The following TECR variants were observed in gnomAD, a reference collection of about 807,000 sequenced individuals.
TECR encodes trans-2,3-enoyl-CoA reductase.
A neutral mutation model predicts 50.6 loss-of-function variants in TECR; 19 were observed. The observed-to-expected ratio is 0.38, with a 90% CI of 0.26 to 0.55. The LOEUF is 0.55. TECR is among the 20% of genes least tolerant of loss of function. TECR has a pLI of 0.79. For missense variants in TECR, 313 were observed against 408.3 expected, an observed-to-expected ratio of 0.77 and a Z score of 2.01; for synonymous variants, 168 against 163.5, an observed-to-expected ratio of 1.03 and a Z score of -0.21.
chr19:14,533,216 T>G (rs112769819), intron 1 of TECR, among the ~76,000 whole-genome samples: 2,423 of 151,682 alleles, frequency 0.016, 47 homozygotes, highest in African/African-American at 0.052. Context: ...AGGTCAGGAG[T>G]TTGAGACCAG....
chr19:14,537,182 G>C (rs1235999163), intron 1 of TECR, among the ~76,000 whole-genome samples: 1 of 133,852 alleles, frequency 7.5e-6, no homozygotes, highest in African/African-American at 2.8e-5. Flanking sequence ...GGGGGGGAAG[G>C]GGAGGCCGAG....
At chr19:14,549,276 G>C (rs1324540872) in intron 1 of TECR, among the ~76,000 whole-genome samples, 1 of 148,268 alleles carries the variant, frequency 6.7e-6, no homozygotes, top group Non-Finnish European at 1.5e-5. Context: ...GCAGTGGTGC[G>C]ATCTCAGCTC....
chr19:14,532,005 T>TGAA (rs1351007315), intron 1 of TECR: 1 of 133,918 alleles, frequency 7.5e-6, no homozygotes, highest in African/African-American at 2.9e-5. Flanking sequence ...AGACCCTGTT[T>TGAA]GAAGAAAAAA....
At chr19:14,529,042 T>C (rs1210411178), upstream of TECR, 1 of 156,428 alleles carries the variant, frequency 6.4e-6, no homozygotes, top group East Asian at 1.9e-4. Context: ...TCTTGCAGGT[T>C]GGGGGTTCCC....
chr19:14,558,031 A>C (rs1393710944), intron 1 of TECR, among the ~76,000 whole-genome samples: 1 of 152,242 alleles, frequency 6.6e-6, no homozygotes, highest in African/African-American at 2.4e-5. Context: ...CTGGCATTAC[A>C]GGCGTGAGCC....
intron 1 of TECR, among the ~76,000 whole-genome samples, chr19:14,535,756 CAAAAAAAAA>C (rs1161257175): frequency 1.9e-5 from 1 of 51,944 alleles, no homozygotes; most frequent in Non-Finnish European, 3.3e-5. Flanking sequence ...GACTCTGTCT[CAAAAAAAAA>C]AAAAAAAAAA....
intron 1 of TECR, among the ~76,000 whole-genome samples, chr19:14,549,210 A>ATTT (rs2073405465): frequency 1.9e-5 from 2 of 106,664 alleles, no homozygotes; most frequent in African/African-American, 3.8e-5. Context: ...CTTTAATTGG[A>ATTT]CTTTTTTTTT....
chr19:14,560,424 C>T (rs1301577980), intron 1 of TECR, among the ~76,000 whole-genome samples: 1 of 152,204 alleles, frequency 6.6e-6, no homozygotes, highest in Non-Finnish European at 1.5e-5. Flanking sequence ...ATTAATATAC[C>T]TGCAGCCACA....
In TECR at chr19:14,565,650, G is replaced by A; in HGVS notation, c.786G>A (p.Thr262=). Residue 262 remains threonine (T), a synonymous_variant, in exon 12 of 13, where the codon ACG becomes ACA. Coordinates refer to ENST00000215567, the MANE Select transcript of TECR (RefSeq NM_138501.6). ...VGSWIGFAIM[T]QCLPVALFSL... Reference sequence around the variant, plus strand: ...CCTGGATCGGTTTCGCCATCATGACGCAGTGTCTCCCAGGTGAGCCTGCCG... The same window carrying A: ...CCTGGATCGGTTTCGCCATCATGACACAGTGTCTCCCAGGTGAGCCTGCCG... 3 of 1,612,364 alleles carry A rather than the reference G, an allele frequency of 1.9e-6. No homozygotes were observed. Among genetic ancestry groups the A allele is most frequent in the African/African-American group, 1.3e-5 (1 of 75,008 alleles).
rs2073951721 is a variant in TECR, at chr19:14,563,116, A to G, written c.67-90A>G. ...TCCCCCTTCCCATAGCTACAGCCCAACCCCCAGCCTGCCATCCCCTTTAGT... is the reference window on the plus strand; with the variant it reads ...TCCCCCTTCCCATAGCTACAGCCCAGCCCCCAGCCTGCCATCCCCTTTAGT... On this transcript the variant is annotated intron_variant, in intron 2 of 12. Coordinates refer to ENST00000215567, the MANE Select transcript of TECR (RefSeq NM_138501.6). The surrounding 1 kb of genome is among the most constrained non-coding windows in gnomAD (Gnocchi z 5.3). 6 of 1,565,400 alleles carry G rather than the reference A, an allele frequency of 3.8e-6. No homozygotes were observed. The South Asian group carries it at 4.5e-5, about 12-fold the overall frequency.
At position 14,563,047 on chromosome 19, in the gene TECR, G is replaced by A. The variant is rs568022004; in HGVS notation, c.67-159G>A. On this transcript the variant is annotated intron_variant, in intron 2 of 12. Transcript: ENST00000215567. This position sits in a 1 kb window ranked among gnomAD's most constrained non-coding sequence, Gnocchi z 5.3. ...TGTCACTGCACTGGCAGGGCCCTCG[G>A]TGGTCCTTCCCTGACTGCAGGCAGA... The A allele has an allele frequency of 8.0e-5, 69 of 867,710 alleles. 2 individuals carry two copies. In the South Asian group the frequency reaches 1.1e-3, roughly 13 times the overall value. 53.8% of individuals were successfully genotyped at this position (867,710 alleles called of 1,614,324 possible). A position where few individuals can be genotyped will look rare whatever the true frequency, so the allele number is the denominator to read the frequency against.
Position 14,563,749 on chromosome 19 carries a change from C to T in TECR, c.163+47C>T, listed in dbSNP as rs1470592749. ...GCCCGCCCCCTGGGCTCCTGGGTGGCAGTGGGAGAAGGCCCGGGTAGCCCC... is the reference window on the plus strand; with the variant it reads ...GCCCGCCCCCTGGGCTCCTGGGTGGTAGTGGGAGAAGGCCCGGGTAGCCCC... On this transcript the variant is annotated intron_variant, in intron 4 of 12. Coordinates refer to ENST00000215567, the MANE Select transcript of TECR (RefSeq NM_138501.6). The surrounding 1 kb of genome is among the most constrained non-coding windows in gnomAD (Gnocchi z 5.3). 2 of 1,612,560 alleles carry T rather than the reference C, an allele frequency of 1.2e-6. No homozygotes were observed. The highest frequency in any genetic ancestry group is 2.7e-5 in the African/African-American group (2 of 74,878).
At chr19:14,537,019 G>A (rs1290614796) in intron 1 of TECR, among the ~76,000 whole-genome samples, 1 of 146,270 alleles carries the variant, frequency 6.8e-6, no homozygotes, top group Non-Finnish European at 1.5e-5. Flanking sequence ...GGACGGGGAG[G>A]GGTGTCGAGG....
chr19:14,528,563 A>G (rs1395843545), upstream of TECR, among the ~76,000 whole-genome samples: 3 of 152,070 alleles, frequency 2.0e-5, no homozygotes, highest in Admixed American at 6.6e-5. Context: ...TCAAGGGCTC[A>G]GTGGCCCCAT....
chr19:14,537,006 T>G (rs1599420284), intron 1 of TECR, among the ~76,000 whole-genome samples: 1 of 45,358 alleles, frequency 2.2e-5, no homozygotes, highest in Non-Finnish European at 4.4e-5. Context: ...AGGTGGGGCT[T>G]GAGGACGGGG....
intron 1 of TECR, 108 bp downstream of exon 1, chr19:14,529,819 C>A: frequency 6.5e-7 from 1 of 1,527,896 alleles, no homozygotes; most frequent in Non-Finnish European, 9.0e-7. Context: ...GAAGGAAGAG[C>A]CAGACGGCGC....
chr19:14,558,434 C>T (rs747331677), intron 1 of TECR, among the ~76,000 whole-genome samples: 8 of 152,300 alleles, frequency 5.3e-5, no homozygotes, highest in South Asian at 2.1e-4. Flanking sequence ...CGCTTCACGC[C>T]GCACCGTGTG....
chr19:14,549,953 A>T (rs564975801), intron 1 of TECR, among the ~76,000 whole-genome samples: 1 of 151,100 alleles, frequency 6.6e-6, no homozygotes, highest in African/African-American at 2.5e-5. Flanking sequence ...AAAAAAAAAA[A>T]TAAAAAAAAT....
chr19:14,548,109 C>T (rs1362171873), intron 1 of TECR, among the ~76,000 whole-genome samples: 1 of 151,806 alleles, frequency 6.6e-6, no homozygotes, highest in Non-Finnish European at 1.5e-5. Flanking sequence ...ACTACAGGCG[C>T]CCACCACCAT....
Sources: allele counts gnomAD v4.1 joint callset (sites outside exome capture counted in the v4.1 genomes callset), GRCh38; gene constraint gnomAD v4.1.1; non-coding constraint Gnocchi (gnomAD v3.1); transcripts MANE v1.5; gene names NCBI Gene and HGNC (gene_info 2026-07-23, HGNC 2026-07-21).